The following ETV1 variants were observed in gnomAD, a reference collection of about 807,000 sequenced individuals.
The protein encoded by ETV1 is ETS variant transcription factor 1, also known as ETS translocation variant 1.
Under a neutral mutation model 62.3 loss-of-function variants are expected in ETV1, and 27 were observed. That is an observed-to-expected ratio of 0.43 (90% CI 0.32 to 0.60). The LOEUF is 0.60. Among genes scored for constraint, ETV1 ranks in the 20% least tolerant of loss-of-function variants. ETV1 has a pLI of 0.06. For synonymous variants in ETV1, 222 were observed against 199.6 expected (o/e 1.11, Z -0.94); for missense variants, 605 against 605.8 (o/e 1.00, Z 0.01).
chr7:13,981,709 T>C (rs4721293), intron 5 of ETV1, among the ~76,000 whole-genome samples: 86,504 of 151,236 alleles, frequency 0.57, 25,029 homozygotes, highest in African/African-American at 0.64. Flanking sequence ...ATTTTTCTTT[T>C]CTATTATCCA....
chr7:13,941,261 T>C (rs1787471987), intron 6 of ETV1, among the ~76,000 whole-genome samples: 1 of 152,204 alleles, frequency 6.6e-6, no homozygotes, highest in South Asian at 2.1e-4. Flanking sequence ...CATTTTAGTA[T>C]AGACTAGCTA....
chr7:13,923,822 C>G (rs1404721883), intron 9 of ETV1, among the ~76,000 whole-genome samples: 1 of 151,968 alleles, frequency 6.6e-6, no homozygotes, highest in African/African-American at 2.4e-5. Flanking sequence ...CACCTAAGGT[C>G]GGAAGTTTGA....
chr7:13,894,024 CT>C lies in ETV1; in HGVS notation c.*1841del. 4.3e-6 allele frequency: 1 copy of C among 232,944 alleles called. No homozygotes were observed. The highest frequency in any genetic ancestry group is 8.5e-6 in the Non-Finnish European group (1 of 117,882). The allele number at this position is 232,944 out of a possible 1,614,324, so 14.4% of individuals were successfully genotyped here. On this transcript the variant is annotated 3_prime_UTR_variant, in exon 14 of 14. Transcript: ENST00000430479. ...TTTGGGTTTCTTGATAACTGCTCCA[CT>C]TAGAGAAATGAGCTGTGATCTGTGT...
At chr7:13,952,836 C>T (rs934191285) in intron 6 of ETV1, among the ~76,000 whole-genome samples, 1 of 152,136 alleles carries the variant, frequency 6.6e-6, no homozygotes, top group Non-Finnish European at 1.5e-5. Context: ...AGACCAAATA[C>T]AGAATATGTT....
At chr7:13,955,868 C>T (rs1789377966) in intron 6 of ETV1, among the ~76,000 whole-genome samples, 1 of 152,134 alleles carries the variant, frequency 6.6e-6, no homozygotes. Flanking sequence ...TCTAATTTTT[C>T]ATCGGGATCC....
At chr7:13,930,607 C>A (rs770130844) in intron 9 of ETV1, among the ~76,000 whole-genome samples, 1 of 152,012 alleles carries the variant, frequency 6.6e-6, no homozygotes, top group Non-Finnish European at 1.5e-5. Context: ...AGGCGTGAGC[C>A]ACCAGACTGG....
intron 6 of ETV1, among the ~76,000 whole-genome samples, chr7:13,959,366 A>C (rs1789881398): frequency 6.6e-6 from 1 of 152,092 alleles, no homozygotes; most frequent in South Asian, 2.1e-4. Context: ...TTCCCACTCT[A>C]CTGTACCTTA....
chr7:13,911,385 G>A (rs907967475), intron 9 of ETV1, 78 bp from the exon 10 acceptor site: 1 of 950,176 alleles, frequency 1.1e-6, no homozygotes, highest in Admixed American at 2.0e-5. Context: ...GGTGCAGACA[G>A]AGAAGATACA....
chr7:13,966,188 T>G (rs906954498), intron 6 of ETV1, among the ~76,000 whole-genome samples: 1 of 152,184 alleles, frequency 6.6e-6, no homozygotes, highest in Non-Finnish European at 1.5e-5. Context: ...GAGTACCTCA[T>G]TTTTTAAAAG....
chr7:13,948,882 ACT>A (rs1207880303), intron 6 of ETV1, among the ~76,000 whole-genome samples: 3 of 152,160 alleles, frequency 2.0e-5, no homozygotes, highest in Non-Finnish European at 2.9e-5. Flanking sequence ...CTCTTGGTTT[ACT>A]CTGTCTCTCA....
intron 5 of ETV1, among the ~76,000 whole-genome samples, chr7:13,978,589 T>C (rs910453278): frequency 6.6e-6 from 1 of 152,034 alleles, no homozygotes; most frequent in Non-Finnish European, 1.5e-5. Context: ...TAATTAACTT[T>C]CTTAAATGAG....
Position 13,891,415 on chromosome 7 carries a change from T to C in ETV1, c.*4451A>G. ...AGAATGAAAGTAACTAATACTGGAG[T>C]CTATATGCAAAAAAGACCCTACCTT... On this transcript the variant is annotated 3_prime_UTR_variant, in exon 14 of 14. Coordinates refer to ENST00000430479, the MANE Select transcript of ETV1 (RefSeq NM_004956.5). 4.3e-6 allele frequency: 1 copy of C among 231,552 alleles called. No individual in the cohort carries two copies. The highest frequency in any genetic ancestry group is 1.8e-4 in the South Asian group (1 of 5,512). The allele number at this position is 231,552 out of a possible 1,614,324, so 14.3% of individuals were successfully genotyped here.
chr7:13,965,201 G>A (rs1410919190), intron 6 of ETV1, among the ~76,000 whole-genome samples: 2 of 152,120 alleles, frequency 1.3e-5, no homozygotes, highest in Non-Finnish European at 2.9e-5. Flanking sequence ...TTGAATTCTG[G>A]TAAATAAGAG....
upstream of ETV1, chr7:13,989,846 G>T (rs1258377312): frequency 5.4e-6 from 2 of 368,262 alleles, no homozygotes; most frequent in Non-Finnish European, 9.6e-6. Context: ...GCCCTAGGGG[G>T]TGCTCGGCCG....
chr7:13,962,775 T>C (rs1790342440), intron 6 of ETV1, among the ~76,000 whole-genome samples: 1 of 152,152 alleles, frequency 6.6e-6, no homozygotes, highest in Admixed American at 6.5e-5. Context: ...GCTTTCCATA[T>C]ACGTATTAGT....
chr7:13,955,520 C>T (rs1161464296), intron 6 of ETV1, among the ~76,000 whole-genome samples: 1 of 152,020 alleles, frequency 6.6e-6, no homozygotes. Flanking sequence ...CCAGCCATTG[C>T]CAATACAACA....
intron 9 of ETV1, 65 bp from the exon 10 acceptor site, chr7:13,911,372 C>A: frequency 9.2e-7 from 1 of 1,083,140 alleles, no homozygotes; most frequent in Non-Finnish European, 1.4e-6. Flanking sequence ...TATCAATGGA[C>A]AGGGTGCAGA....
At position 13,931,493 on chromosome 7, in the gene ETV1, C is replaced by T. The variant is rs779691417; in HGVS notation, c.802+9G>A. ...CCTTGAATGTAATTTGCGCAGAGCGCAGGCCTACCTGAGTCATATGCAAAA... is the reference window on the plus strand; with the variant it reads ...CCTTGAATGTAATTTGCGCAGAGCGTAGGCCTACCTGAGTCATATGCAAAA... On this transcript the variant is annotated intron_variant, in intron 9 of 13. Transcript: ENST00000430479. The T allele has an allele frequency of 6.2e-7, 1 of 1,613,882 alleles. No homozygotes were observed. Among genetic ancestry groups the T allele is most frequent in the Non-Finnish European group, 8.5e-7 (1 of 1,179,814 alleles).
intron 10 of ETV1, chr7:13,910,458 T>C (rs766762666): frequency 1.3e-5 from 5 of 374,980 alleles, no homozygotes; most frequent in Non-Finnish European, 1.8e-5. Context: ...AATAATTACA[T>C]TGCATTTGTG....
Sources: gnomAD v4.1 joint callset for allele counts (sites outside exome capture counted in the v4.1 genomes callset) on GRCh38, gnomAD v4.1.1 for gene constraint, MANE v1.5 for transcripts, NCBI Gene and HGNC (gene_info 2026-07-23, HGNC 2026-07-21) for gene names.